The following PTPRN2 variants were observed in gnomAD, a reference collection of about 807,000 sequenced individuals.
PTPRN2 encodes receptor-type tyrosine-protein phosphatase N2.
A neutral mutation model predicts 118.8 loss-of-function variants in PTPRN2; 74 were observed. The observed-to-expected ratio is 0.62, with a 90% CI of 0.52 to 0.76. The LOEUF (loss-of-function observed/expected upper bound fraction) is 0.76, where lower values mean the gene tolerates loss of function less well. PTPRN2 is among the 30% of genes least tolerant of loss of function. PTPRN2 has a pLI of 0.00. For missense variants in PTPRN2, 1,481 were observed against 1,394.4 expected, an observed-to-expected ratio of 1.06 and a Z score of -0.99; for synonymous variants, 641 against 608.0, an observed-to-expected ratio of 1.05 and a Z score of -0.80.
At position 158,391,331 on chromosome 7, in the gene PTPRN2, G is replaced by A. The variant is rs866120244; in HGVS notation, c.164-74399C>T. ...GCGCCACCCTCCCTTGTCTGAAACC[G>A]CGCTCCCTCTCCTGGCCAAGCTGCA... On this transcript the variant is annotated intron_variant, in intron 2 of 22. Coordinates refer to ENST00000389418, the MANE Select transcript of PTPRN2 (RefSeq NM_002847.5). 1.6e-4 allele frequency among the ~76,000 whole-genome samples: 24 copies of A among 152,228 alleles called. No homozygotes were observed. The Middle Eastern group carries it at 0.01, about 65-fold the overall frequency.
intron 11 of PTPRN2, chr7:158,029,026 G>A (rs1470769323): frequency 6.6e-6 from 1 of 152,288 alleles, no homozygotes; most frequent in Non-Finnish European, 1.5e-5. Context: ...GGGCTATTTT[G>A]CTCCAGTCAC....
At chr7:157,837,655 G>A (rs537257400) in intron 12 of PTPRN2, among the ~76,000 whole-genome samples, 7 of 152,198 alleles carry the variant, frequency 4.6e-5, no homozygotes, top group Non-Finnish European at 8.8e-5. Flanking sequence ...GCAAGGACAC[G>A]GTGCATCCAG....
At chr7:158,571,702 C>T (rs1671689888) in intron 1 of PTPRN2, among the ~76,000 whole-genome samples, 1 of 151,748 alleles carries the variant, frequency 6.6e-6, no homozygotes, top group Non-Finnish European at 1.5e-5. Context: ...CTTCTGGGGT[C>T]TTGCGTTACT....
rs114204326 is a variant in PTPRN2 at position 157,723,887 on chromosome 7, C to T, written c.1789-40950G>A. The stretch of plus-strand genomic sequence containing the variant: ...AGAAAGACTTCCACGCTGCACACAA[C>T]GCTCAGAGCAGAACGTCTGGGAATC... On this transcript the variant is annotated intron_variant, in intron 12 of 22. Coordinates refer to ENST00000389418, the MANE Select transcript of PTPRN2 (RefSeq NM_002847.5). 7.6e-3 allele frequency among the ~76,000 whole-genome samples: 1,161 copies of T among 152,358 alleles called. 3 individuals are homozygous for T. Among genetic ancestry groups the T allele is most frequent in the South Asian group, 0.015 (73 of 4,830 alleles).
chr7:158,054,914 T>C (rs962992117), intron 11 of PTPRN2, among the ~76,000 whole-genome samples: 1 of 152,088 alleles, frequency 6.6e-6, no homozygotes, highest in African/African-American at 2.4e-5. Flanking sequence ...GTGCCCAAGG[T>C]CAGGCCAGGT....
chr7:157,621,660 T>TA, intron 14 of PTPRN2, 151 bp from the exon 15 acceptor site: 2 of 874,192 alleles, frequency 2.3e-6, no homozygotes, highest in Non-Finnish European at 3.6e-6. Flanking sequence ...TGTGCTACGG[T>TA]GCACAATGCA....
chr7:158,323,688 TTCCCACA>T (rs1464900009), intron 2 of PTPRN2, among the ~76,000 whole-genome samples: 1 of 152,172 alleles, frequency 6.6e-6, no homozygotes, highest in African/African-American at 2.4e-5. Flanking sequence ...TAGAGCACTG[TTCCCACA>T]GGCCAAAGTA....
chr7:158,559,714 A>G (rs1827257348), intron 1 of PTPRN2, among the ~76,000 whole-genome samples: 1 of 152,098 alleles, frequency 6.6e-6, no homozygotes, highest in Admixed American at 6.5e-5. Context: ...GTCAGTAAAG[A>G]ATGGACACAG....
chr7:158,034,241 T>C (rs571437140), intron 11 of PTPRN2, among the ~76,000 whole-genome samples: 6 of 144,164 alleles, frequency 4.2e-5, no homozygotes, highest in African/African-American at 1.4e-4. Flanking sequence ...AAACTCTGCA[T>C]GCTGAGGCCC....
intron 11 of PTPRN2, among the ~76,000 whole-genome samples, chr7:157,908,900 A>T (rs910044042): frequency 3.9e-5 from 6 of 152,180 alleles, no homozygotes; most frequent in Non-Finnish European, 5.9e-5. Context: ...GTGCATTTTT[A>T]TTTTTAATGA....
chr7:157,635,687 A>G (rs1804269162), intron 14 of PTPRN2, among the ~76,000 whole-genome samples: 1 of 152,046 alleles, frequency 6.6e-6, no homozygotes, highest in Non-Finnish European at 1.5e-5. Context: ...TGGATTTTCT[A>G]GAATTTTCTC....
At chr7:157,906,248 C>T (rs1484046569) in intron 11 of PTPRN2, among the ~76,000 whole-genome samples, 6 of 152,358 alleles carry the variant, frequency 3.9e-5, no homozygotes, top group African/African-American at 1.4e-4. Flanking sequence ...ACCGGCACCT[C>T]CTTTCCTTTT....
chr7:158,476,309 G>A (rs1444100138), intron 2 of PTPRN2, among the ~76,000 whole-genome samples: 1 of 152,238 alleles, frequency 6.6e-6, no homozygotes, highest in Non-Finnish European at 1.5e-5. Flanking sequence ...CAGTCCCACT[G>A]TTAATTTAGA....
At chr7:158,260,897 GT>G (rs1287365517) in intron 3 of PTPRN2, among the ~76,000 whole-genome samples, 27 of 152,326 alleles carry the variant, frequency 1.8e-4, no homozygotes, top group Admixed American at 3.3e-4. Context: ...AGGCAGGAGT[GT>G]GAGCTCCTAA....
chr7:158,149,052 C>T (rs1312272181), intron 6 of PTPRN2, among the ~76,000 whole-genome samples: 2 of 135,426 alleles, frequency 1.5e-5, no homozygotes, highest in Non-Finnish European at 3.2e-5. Flanking sequence ...CACTGACACC[C>T]CATCTCATGC....
Position 157,603,859 on chromosome 7 carries a change from A to C in PTPRN2, c.2418+143T>G. Reference sequence around the variant, plus strand: ...AGGAACAGGGGAGTGGCGGGAGCCCAATGGGCAGAGTCGGCCCTGTCCACC... The same window carrying C: ...AGGAACAGGGGAGTGGCGGGAGCCCCATGGGCAGAGTCGGCCCTGTCCACC... On this transcript the variant is annotated intron_variant, in intron 16 of 22. Transcript: ENST00000389418. This position sits in a 1 kb window ranked among gnomAD's most constrained non-coding sequence, Gnocchi z 5.4. 2 of 749,662 alleles carry C rather than the reference A, an allele frequency of 2.7e-6. No individual in the cohort carries two copies. Among genetic ancestry groups the C allele is most frequent in the South Asian group, 1.8e-5 (1 of 55,372 alleles). The allele number at this position is 749,662 out of a possible 1,614,324, so 46.4% of individuals were successfully genotyped here. A position where few individuals can be genotyped will look rare whatever the true frequency, so the allele number is the denominator to read the frequency against.
rs1818115661 is a variant in PTPRN2, at chr7:158,130,589, A to T, written c.1556+3088T>A. 2.0e-5 allele frequency among the ~76,000 whole-genome samples: 3 copies of T among 151,964 alleles called. 1 individual carries two copies. The highest frequency in any genetic ancestry group is 1.5e-5 in the Non-Finnish European group (1 of 67,996). On this transcript the variant is annotated intron_variant, in intron 9 of 22. Transcript: ENST00000389418. ...CATATACACACATGCACATATGCAC[A>T]AACCAATACACATCTACCCTACATA...
chr7:158,417,713 A>C (rs1255945207), intron 2 of PTPRN2, among the ~76,000 whole-genome samples: 22 of 58,514 alleles, frequency 3.8e-4, no homozygotes, highest in Middle Eastern at 0.022. Context: ...TCTAGCTCTC[A>C]GTGTCCCACT....
chr7:158,200,410 A>G (rs1241084704), intron 4 of PTPRN2, among the ~76,000 whole-genome samples: 1 of 152,240 alleles, frequency 6.6e-6, no homozygotes, highest in African/African-American at 2.4e-5. Context: ...GCAGAGCCTC[A>G]GAGCCTATGA....
Sources: gnomAD v4.1 joint callset for allele counts (sites outside exome capture counted in the v4.1 genomes callset) on GRCh38, gnomAD v4.1.1 for gene constraint, Gnocchi (gnomAD v3.1) non-coding constraint, MANE v1.5 for transcripts, NCBI Gene and HGNC (gene_info 2026-07-23, HGNC 2026-07-21) for gene names.